PTPRK: variants seen among roughly 807,000 people sequenced by gnomAD.
PTPRK encodes the protein receptor-type tyrosine-protein phosphatase kappa.
A neutral mutation model predicts 178.0 loss-of-function variants in PTPRK; 75 were observed. That is an observed-to-expected ratio of 0.42 (90% CI 0.35 to 0.51). The LOEUF (loss-of-function observed/expected upper bound fraction) is 0.51, where lower values mean the gene tolerates loss of function less well. Among genes scored for constraint, PTPRK ranks in the 20% least tolerant of loss-of-function variants. PTPRK has a pLI of 0.02. For missense variants in PTPRK, 1,441 were observed against 1,797.8 expected, an observed-to-expected ratio of 0.80 and a Z score of 3.59; for synonymous variants, 637 against 620.6, an observed-to-expected ratio of 1.03 and a Z score of -0.39.
chr6:128,009,440 G>A lies in PTPRK; in HGVS notation c.2195-172C>T, dbSNP rs115241760. On this transcript the variant is annotated intron_variant, in intron 13 of 29. Coordinates refer to ENST00000368226, the MANE Select transcript of PTPRK (RefSeq NM_002844.4). Reference sequence around the variant, plus strand: ...AAAATACAATACGAGATTTAGGGTTGAGGTAAGGAAATCTTTCTGACAAGA... The same window carrying A: ...AAAATACAATACGAGATTTAGGGTTAAGGTAAGGAAATCTTTCTGACAAGA... Among the ~76,000 whole-genome samples, 266 of 151,076 alleles carry A rather than the reference G, an allele frequency of 1.8e-3. 1 individual carries two copies. The highest frequency in any genetic ancestry group is 6.2e-3 in the African/African-American group (255 of 41,406).
intron 6 of PTPRK, among the ~76,000 whole-genome samples, chr6:128,191,197 T>C (rs553080571): frequency 1.3e-5 from 2 of 152,286 alleles, no homozygotes; most frequent in Non-Finnish European, 2.9e-5. Context: ...TATATGTTTG[T>C]TTATACTATA....
intron 15 of PTPRK, among the ~76,000 whole-genome samples, chr6:128,002,156 T>TA (rs1387909213): frequency 6.6e-6 from 1 of 151,518 alleles, no homozygotes; most frequent in Non-Finnish European, 1.5e-5. Flanking sequence ...ATATTTATTT[T>TA]AGTAAATAAG....
intron 13 of PTPRK, among the ~76,000 whole-genome samples, chr6:128,015,925 G>C (rs546655507): frequency 6.6e-6 from 1 of 151,674 alleles, no homozygotes; most frequent in Non-Finnish European, 1.5e-5. Context: ...CAGCCTTCTT[G>C]ATTTTTGTCA....
intron 3 of PTPRK, among the ~76,000 whole-genome samples, chr6:128,299,605 A>C (rs1825191267): frequency 1.3e-5 from 2 of 151,884 alleles, no homozygotes; most frequent in Admixed American, 1.3e-4. Context: ...AAACCTGAGA[A>C]AAACAAGCAA....
At chr6:128,325,398 T>C (rs1338861149) in intron 2 of PTPRK, among the ~76,000 whole-genome samples, 2 of 151,964 alleles carry the variant, frequency 1.3e-5, no homozygotes, top group Admixed American at 1.3e-4. Flanking sequence ...AACTACAGAA[T>C]GGGAAAAAAT....
chr6:128,327,197 C>T (rs1048389962), intron 2 of PTPRK, among the ~76,000 whole-genome samples: 2 of 151,828 alleles, frequency 1.3e-5, no homozygotes, highest in Non-Finnish European at 2.9e-5. Flanking sequence ...AGTTACACTT[C>T]TATGAATAAG....
At chr6:128,377,011 G>A (rs940352333) in intron 2 of PTPRK, among the ~76,000 whole-genome samples, 1 of 152,062 alleles carries the variant, frequency 6.6e-6, no homozygotes, top group Non-Finnish European at 1.5e-5. Context: ...AGGTCTCTAG[G>A]GAGTTCCACA....
intron 1 of PTPRK, among the ~76,000 whole-genome samples, chr6:128,489,889 C>A (rs898863955): frequency 1.3e-5 from 2 of 152,180 alleles, no homozygotes; most frequent in Non-Finnish European, 2.9e-5. Flanking sequence ...CAGGAAGCTT[C>A]CCACACTTAC....
At chr6:127,998,990 A>G in intron 15 of PTPRK, 86 bp from the exon 16 acceptor site, 3 of 1,136,144 alleles carry the variant, frequency 2.6e-6, no homozygotes, top group Non-Finnish European at 3.6e-6. Context: ...AGATTTTAAG[A>G]CCTTAAGATC....
chr6:128,235,412 T>C (rs1368914292), intron 5 of PTPRK: 2 of 216,700 alleles, frequency 9.2e-6, no homozygotes, highest in Non-Finnish European at 2.1e-5. Context: ...TATTATTTCA[T>C]TTCAGTATAA....
intron 7 of PTPRK, among the ~76,000 whole-genome samples, chr6:128,116,262 T>C (rs1791509102): frequency 1.3e-5 from 2 of 152,282 alleles, no homozygotes; most frequent in Admixed American, 6.5e-5. Context: ...GAATTTTCTA[T>C]GCTTCTTATC....
chr6:128,112,943 C>T (rs1173631244), intron 7 of PTPRK, among the ~76,000 whole-genome samples: 1 of 152,066 alleles, frequency 6.6e-6, no homozygotes, highest in African/African-American at 2.4e-5. Context: ...CTTCCTTCTA[C>T]AGTCATCTAC....
chr6:128,299,167 C>T lies in PTPRK; in HGVS notation c.495+22872G>A, dbSNP rs147506447. Among the ~76,000 whole-genome samples, 81 of 152,066 alleles carry T rather than the reference C, an allele frequency of 5.3e-4. No individual in the cohort carries two copies. In the East Asian group the frequency reaches 6.8e-3, roughly 13 times the overall value. The stretch of plus-strand genomic sequence containing the variant: ...ACCTAGGAATCCAACTTACAAGGGA[C>T]GTGAAGGATATCTTCAAGGAGAACT... On this transcript the variant is annotated intron_variant, in intron 3 of 29. Transcript: ENST00000368226.
chr6:128,055,792 G>C (rs988549844), intron 13 of PTPRK, among the ~76,000 whole-genome samples: 2 of 151,826 alleles, frequency 1.3e-5, no homozygotes, highest in African/African-American at 4.8e-5. Context: ...TGTAGAGATT[G>C]GGTCTCACTG....
chr6:128,472,430 C>CT (rs1554274582), intron 1 of PTPRK, among the ~76,000 whole-genome samples: 4 of 146,932 alleles, frequency 2.7e-5, no homozygotes, highest in Non-Finnish European at 6.0e-5. Flanking sequence ...ACCCCCCCCC[C>CT]CTTTAGCTTA....
chr6:127,985,492 A>AATTGTG (rs1229518933), intron 22 of PTPRK, among the ~76,000 whole-genome samples: 1 of 152,232 alleles, frequency 6.6e-6, no homozygotes, highest in Non-Finnish European at 1.5e-5. Context: ...CTATACTTTA[A>AATTGTG]ATTGTGGATA....
At chr6:128,084,615 T>C (rs1436879716) in intron 8 of PTPRK, among the ~76,000 whole-genome samples, 1 of 152,196 alleles carries the variant, frequency 6.6e-6, no homozygotes, top group Non-Finnish European at 1.5e-5. Context: ...GCAAATGTCA[T>C]ATAACTGGTC....
At chr6:128,039,597 T>C (rs1019541900) in intron 13 of PTPRK, among the ~76,000 whole-genome samples, 1 of 152,216 alleles carries the variant, frequency 6.6e-6, no homozygotes, top group Non-Finnish European at 1.5e-5. Flanking sequence ...TTCTAAATTA[T>C]AGGAAATCTA....
intron 2 of PTPRK, among the ~76,000 whole-genome samples, chr6:128,362,222 C>T (rs150774355): frequency 3.3e-4 from 50 of 152,204 alleles, no homozygotes; most frequent in Admixed American, 2.4e-3. Flanking sequence ...GCATTTTACA[C>T]GGTGAAAGTG....
Sources: allele counts gnomAD v4.1 joint callset (sites outside exome capture counted in the v4.1 genomes callset), GRCh38; gene constraint gnomAD v4.1.1; transcripts MANE v1.5; gene names NCBI Gene and HGNC (gene_info 2026-07-23, HGNC 2026-07-21).